Variants in GTF2H1 observed in about 807,000 individuals in gnomAD.
GTF2H1 encodes general transcription factor IIH subunit 1, also known as BTF2 p62.
A neutral mutation model predicts 71.2 loss-of-function variants in GTF2H1; 16 were observed. The ratio of observed to expected loss-of-function variants is 0.22; its 90% confidence interval spans 0.15 to 0.34. GTF2H1 has a LOEUF of 0.34. Ranked by LOEUF, GTF2H1 falls within the 10% of genes least tolerant of loss-of-function variation. The pLI is 1.00. For missense variants in GTF2H1, 498 were observed against 648.2 expected (o/e 0.77, Z 2.52); for synonymous variants, 215 against 219.0 (o/e 0.98, Z 0.16).
At chr11:18,326,273 G>A (rs1864762446) in intron 1 of GTF2H1, 1 of 152,218 alleles carries the variant, frequency 6.6e-6, no homozygotes, top group African/African-American at 2.4e-5. Flanking sequence ...TGTAATCCCA[G>A]CACTTTGGGA....
rs1467876271 is a variant in GTF2H1, at chr11:18,327,591, CATT to C, written c.-16+4856_-16+4858del. Among the ~76,000 whole-genome samples, 4 of 152,274 alleles carry C rather than the reference CATT, an allele frequency of 2.6e-5. No homozygotes were observed. In the East Asian group the frequency reaches 7.7e-4, roughly 29 times the overall value. ...AAGAAACTTAGTGCAGAACCTGACA[CATT>C]ATTAAGCATTCAGCAAATTCTAGAT... On this transcript the variant is annotated intron_variant, in intron 1 of 14. Transcript: ENST00000265963.
At chr11:18,355,880 A>G (rs1426877968) in intron 11 of GTF2H1, among the ~76,000 whole-genome samples, 1 of 152,038 alleles carries the variant, frequency 6.6e-6, no homozygotes, top group Non-Finnish European at 1.5e-5. Flanking sequence ...CGGTTCTGTC[A>G]CCCCAGAAAG....
intron 11 of GTF2H1, among the ~76,000 whole-genome samples, chr11:18,355,484 A>AAAT (rs1565017632): frequency 2.0e-5 from 3 of 149,840 alleles, no homozygotes; most frequent in Non-Finnish European, 3.0e-5. Flanking sequence ...AACATACAGT[A>AAAT]AAATAAATAA....
chr11:18,356,889 C>T (rs1369901574), intron 11 of GTF2H1, among the ~76,000 whole-genome samples: 1 of 149,954 alleles, frequency 6.7e-6, no homozygotes, highest in African/African-American at 2.5e-5. Flanking sequence ...TCCCCAGGCT[C>T]AAATGATCTT....
At position 18,357,806 on chromosome 11, in the gene GTF2H1, C is replaced by G. The variant is rs374054967; in HGVS notation, c.1261-146C>G. The G allele has an allele frequency of 2.2e-4, 148 of 669,726 alleles. 2 individuals carry two copies. Among genetic ancestry groups the G allele is most frequent in the South Asian group, 2.1e-3 (124 of 57,880 alleles). The allele number at this position is 669,726 out of a possible 1,614,324, so 41.5% of individuals were successfully genotyped here. On this transcript the variant is annotated intron_variant, in intron 11 of 14. Coordinates refer to ENST00000265963, the MANE Select transcript of GTF2H1 (RefSeq NM_005316.4). Reference sequence around the variant, plus strand: ...GTTTCTGCCCTCAAGGAAAATAGTTCACTTTGACCACTGTAAATGATGTAG... The same window carrying G: ...GTTTCTGCCCTCAAGGAAAATAGTTGACTTTGACCACTGTAAATGATGTAG...
At chr11:18,322,899 C>T (rs1864553791) in intron 1 of GTF2H1, among the ~76,000 whole-genome samples, 159 bp downstream of exon 1, 1 of 152,176 alleles carries the variant, frequency 6.6e-6, no homozygotes, top group Non-Finnish European at 1.5e-5. Flanking sequence ...TGCCCTTATC[C>T]CGAGGCGAGG....
intron 11 of GTF2H1, among the ~76,000 whole-genome samples, chr11:18,354,421 A>T (rs1403660463): frequency 2.6e-5 from 4 of 152,026 alleles, no homozygotes; most frequent in African/African-American, 9.7e-5. Context: ...CAAATTTTTT[A>T]TTTTTATTTT....
rs755390759 is a variant in GTF2H1 at position 18,352,442 on chromosome 11, C to G, written c.1256C>G (p.Thr419Ser). The change falls in exon 11 of 15, where the codon ACT (threonine) becomes AGT (serine). Residue 419 changes from threonine (T) to serine (S), a missense_variant. By Grantham distance (58) the Thr-to-Ser change is moderately conservative. Around this residue, in one of 3 missense-constraint regions of GTF2H1, gnomAD observed 266 missense variants for 301.6 expected, o/e 0.88. Coordinates refer to ENST00000265963, the MANE Select transcript of GTF2H1 (RefSeq NM_005316.4). Reference sequence around the variant, plus strand: ...ATGGAAGCTTATACACCCAAGTTAACTCAGGTAGGTGACTTCTACTGTTTG... The same window carrying G: ...ATGGAAGCTTATACACCCAAGTTAAGTCAGGTAGGTGACTTCTACTGTTTG... ...QEMEAYTPKLTQVLSSSAASS... is the reference protein window; with the variant it reads ...QEMEAYTPKLSQVLSSSAASS... 6.4e-6 allele frequency: 8 copies of G among 1,255,420 alleles called. No homozygotes were observed. Among genetic ancestry groups the G allele is most frequent in the Non-Finnish European group, 7.0e-6 (6 of 853,988 alleles). 77.8% of individuals were successfully genotyped at this position (1,255,420 alleles called of 1,614,324 possible). A position where few individuals can be genotyped will look rare whatever the true frequency, so the allele number is the denominator to read the frequency against.
chr11:18,358,360 A>G (rs533826741), intron 12 of GTF2H1, among the ~76,000 whole-genome samples, 165 bp from the exon 13 acceptor site: 6 of 152,340 alleles, frequency 3.9e-5, no homozygotes, highest in African/African-American at 7.2e-5. Flanking sequence ...TTTAAATTTT[A>G]TGATCTCTCA....
chr11:18,329,560 A>G (rs1864846582), intron 1 of GTF2H1, among the ~76,000 whole-genome samples: 1 of 152,166 alleles, frequency 6.6e-6, no homozygotes, highest in Admixed American at 6.5e-5. Flanking sequence ...CCCCTATTCA[A>G]AAGTCTTCAG....
At chr11:18,339,322 C>G (rs1865102762) in intron 4 of GTF2H1, among the ~76,000 whole-genome samples, 1 of 152,190 alleles carries the variant, frequency 6.6e-6, no homozygotes, top group Non-Finnish European at 1.5e-5. Flanking sequence ...CATACTTAAA[C>G]ATGCCTATTT....
intron 1 of GTF2H1, among the ~76,000 whole-genome samples, chr11:18,324,822 T>C (rs1287150247): frequency 2.0e-5 from 3 of 152,244 alleles, no homozygotes; most frequent in Non-Finnish European, 4.4e-5. Flanking sequence ...TTAATGGATA[T>C]GAGCATATTT....
intron 1 of GTF2H1, among the ~76,000 whole-genome samples, chr11:18,325,686 A>T (rs1864746328): frequency 6.6e-6 from 1 of 152,242 alleles, no homozygotes; most frequent in Non-Finnish European, 1.5e-5. Context: ...CTGAAAAAAA[A>T]AATGAGTGAA....
chr11:18,333,329 C>A (rs1864945798), intron 2 of GTF2H1, 101 bp downstream of exon 2: 4 of 888,492 alleles, frequency 4.5e-6, no homozygotes, highest in African/African-American at 3.4e-5. Flanking sequence ...AAAAAATCAA[C>A]TATGTAGAAA....
chr11:18,350,483 C>G (rs539184651), intron 9 of GTF2H1, among the ~76,000 whole-genome samples: 2 of 151,780 alleles, frequency 1.3e-5, no homozygotes, highest in South Asian at 2.1e-4. Flanking sequence ...ATGTGTTTCT[C>G]TGAGGTCAGA....
chr11:18,327,434 A>G (rs924071152), intron 1 of GTF2H1, among the ~76,000 whole-genome samples: 1 of 152,220 alleles, frequency 6.6e-6, no homozygotes, highest in African/African-American at 2.4e-5. Flanking sequence ...ATTCAAACCC[A>G]GTTCTGCTAC....
chr11:18,351,932 G>A lies in GTF2H1; in HGVS notation c.1105G>A (p.Val369Ile), dbSNP rs1425300116. 1.9e-6 allele frequency: 3 copies of A among 1,601,540 alleles called. No homozygotes were observed. Among genetic ancestry groups the A allele is most frequent in the Non-Finnish European group, 2.6e-6 (3 of 1,168,980 alleles). Reference sequence around the variant, plus strand: ...TGAAGACTTGGGGAAAAATAATTCTGTAAAAACGATTGCACTAAACCTCAA... The same window carrying A: ...TGAAGACTTGGGGAAAAATAATTCTATAAAAACGATTGCACTAAACCTCAA... ...EYEDLGKNNS[V>I]KTIALNLKKS... Residue 369 changes from valine to isoleucine, a missense_variant, in exon 10 of 15, where the codon GTA becomes ATA. Transcript: ENST00000265963.
At chr11:18,323,036 C>CT (rs1864568789) in intron 1 of GTF2H1, among the ~76,000 whole-genome samples, 1 of 152,168 alleles carries the variant, frequency 6.6e-6, no homozygotes, top group Admixed American at 6.5e-5. Flanking sequence ...ACAGAGAAGC[C>CT]CTTCCCGTCA....
intron 1 of GTF2H1, among the ~76,000 whole-genome samples, chr11:18,328,881 T>A (rs552700627): frequency 1.3e-5 from 2 of 152,318 alleles, no homozygotes; most frequent in African/African-American, 4.8e-5. Flanking sequence ...GTGTATCTTT[T>A]CATGTCATTA....
Sources: gnomAD v4.1 joint callset for allele counts (sites outside exome capture counted in the v4.1 genomes callset) on GRCh38, gnomAD v4.1.1 for gene constraint, gnomAD v4.1.1 regional missense constraint, MANE v1.5 for transcripts, NCBI Gene and HGNC (gene_info 2026-07-23, HGNC 2026-07-21) for gene names.